Variants in ANKRD11 observed in about 807,000 individuals in gnomAD.
ANKRD11 encodes ankyrin repeat domain 11, also known as ankyrin repeat domain-containing protein 11.
A neutral mutation model predicts 195.7 loss-of-function variants in ANKRD11; 17 were observed. The observed-to-expected ratio is 0.09, with a 90% CI of 0.06 to 0.13. The LOEUF is 0.13. ANKRD11 is among the 10% of genes least tolerant of loss of function. ANKRD11 has a pLI of 1.00. For missense variants in ANKRD11, 3,735 were observed against 3,566.1 expected (o/e 1.05, Z -1.21); for synonymous variants, 1,953 against 1,528.1 (o/e 1.28, Z -6.49).
At chr16:89,389,422 A>G (rs2041072980) in intron 2 of ANKRD11, among the ~76,000 whole-genome samples, 1 of 152,152 alleles carries the variant, frequency 6.6e-6, no homozygotes, top group African/African-American at 2.4e-5. Context: ...ACATAGGAGA[A>G]AAAAAAGTCA....
At chr16:89,289,085 T>G (rs2034852937) in intron 6 of ANKRD11, 1 of 286,754 alleles carries the variant, frequency 3.5e-6, no homozygotes, top group South Asian at 3.3e-5. Flanking sequence ...TCCTGAAGGC[T>G]GAAGAGCTGC....
chr16:89,350,318 C>A (rs182688854), intron 2 of ANKRD11, among the ~76,000 whole-genome samples: 1 of 152,216 alleles, frequency 6.6e-6, no homozygotes, highest in East Asian at 1.9e-4. Context: ...ACCGAGAAAC[C>A]CAGACCCAGA....
rs1367779474 is a variant in ANKRD11, at chr16:89,318,141, C to A, written c.-59-1063G>T. On this transcript the variant is annotated intron_variant, in intron 2 of 12. Transcript: ENST00000301030. Reference sequence around the variant, plus strand: ...GGTGTGAGGCTGCCCCTCTGCGACACACGGTGCGAGCGCACTTCTTCCTTC... The same window carrying A: ...GGTGTGAGGCTGCCCCTCTGCGACAAACGGTGCGAGCGCACTTCTTCCTTC... 2.6e-5 allele frequency among the ~76,000 whole-genome samples: 4 copies of A among 152,240 alleles called. No homozygotes were observed. The South Asian group carries it at 8.3e-4, about 32-fold the overall frequency.
chr16:89,434,026 C>G (rs1393072500), intron 1 of ANKRD11, among the ~76,000 whole-genome samples: 2 of 152,182 alleles, frequency 1.3e-5, no homozygotes, highest in Non-Finnish European at 2.9e-5. Context: ...TGAGAAGATG[C>G]CCCTAGTGTG....
chr16:89,310,211 G>A (rs985119708), intron 3 of ANKRD11, among the ~76,000 whole-genome samples: 1 of 152,090 alleles, frequency 6.6e-6, no homozygotes, highest in Non-Finnish European at 1.5e-5. Flanking sequence ...TCTATGTGCG[G>A]GGTCCGCCTG....
chr16:89,468,524 T>C (rs2056959226), intron 1 of ANKRD11, among the ~76,000 whole-genome samples: 1 of 152,060 alleles, frequency 6.6e-6, no homozygotes, highest in Admixed American at 6.6e-5. Flanking sequence ...GGCCAACATG[T>C]CGAAATCCTG....
At chr16:89,313,253 TG>T in intron 3 of ANKRD11, 1 of 1,257,482 alleles carries the variant, frequency 8.0e-7, no homozygotes, top group Non-Finnish European at 1.0e-6. Flanking sequence ...GACTGTGCCA[TG>T]GGGTGGGGAC....
chr16:89,396,538 A>ATT (rs540555214), intron 2 of ANKRD11, among the ~76,000 whole-genome samples: 6 of 150,328 alleles, frequency 4.0e-5, no homozygotes, highest in African/African-American at 1.5e-4. Flanking sequence ...TTCCCACTAG[A>ATT]TTTTTTTTTT....
At chr16:89,310,454 C>T (rs181633750) in intron 3 of ANKRD11, among the ~76,000 whole-genome samples, 5 of 152,310 alleles carry the variant, frequency 3.3e-5, no homozygotes, top group South Asian at 2.1e-4. Context: ...ACTTTGGAAT[C>T]GTCTTATGAA....
chr16:89,292,110 G>T (rs1245499093), intron 4 of ANKRD11, among the ~76,000 whole-genome samples: 1 of 152,142 alleles, frequency 6.6e-6, no homozygotes, highest in African/African-American at 2.4e-5. Context: ...AGGTCATGGG[G>T]TGAAACTGCA....
chr16:89,282,963 C>G lies in ANKRD11; in HGVS notation c.3579G>C (p.Ala1193=). ...DRRKDRGAAD[A]GRDKKEKVFE... ...AGACTTTCTCTTTTTTGTCTCTCCCCGCGTCGGCAGCCCCTCGGTCCTTTC... is the reference window on the plus strand; with the variant it reads ...AGACTTTCTCTTTTTTGTCTCTCCCGGCGTCGGCAGCCCCTCGGTCCTTTC... The change falls in exon 9 of 13, where the codon GCG becomes GCC. Residue 1193 remains alanine, a synonymous_variant. Coordinates refer to ENST00000301030, the MANE Select transcript of ANKRD11 (RefSeq NM_013275.6). 1.2e-6 allele frequency: 2 copies of G among 1,613,496 alleles called. No homozygotes were observed. The highest frequency in any genetic ancestry group is 1.7e-6 in the Non-Finnish European group (2 of 1,180,002).
At chr16:89,421,862 G>A (rs1287492507) in intron 1 of ANKRD11, among the ~76,000 whole-genome samples, 1 of 152,192 alleles carries the variant, frequency 6.6e-6, no homozygotes, top group Non-Finnish European at 1.5e-5. Context: ...GCAGGGGTGG[G>A]GGTAACCAAA....
intron 2 of ANKRD11, among the ~76,000 whole-genome samples, chr16:89,325,497 A>T (rs1449470418): frequency 1.3e-5 from 2 of 151,180 alleles, no homozygotes. Flanking sequence ...ACACACACAG[A>T]GTAATAATGT....
At position 89,282,048 on chromosome 16, in the gene ANKRD11, G is replaced by C. The variant is rs200238084; in HGVS notation, c.4494C>G (p.Asp1498Glu). 2.5e-6 allele frequency: 4 copies of C among 1,611,914 alleles called. No homozygotes were observed. The highest frequency in any genetic ancestry group is 1.7e-5 in the Admixed American group (1 of 59,930). Residue 1498 changes from aspartate (D) to glutamate (E), a missense_variant, in exon 9 of 13, where the codon GAC becomes GAG. Coordinates refer to ENST00000301030, the MANE Select transcript of ANKRD11 (RefSeq NM_013275.6). ...HRDELLRHHR[D>E]EQKPATRDKD... ...TGTCCCTGGTGGCGGGCTTCTGCTC[G>C]TCCCTGTGATGCCGCAGGAGCTCGT...
chr16:89,313,453 C>T (rs2036734606), intron 3 of ANKRD11: 1 of 1,289,100 alleles, frequency 7.8e-7, no homozygotes, highest in Non-Finnish European at 1.0e-6. Flanking sequence ...ACGCCTGCCA[C>T]TGTGCTCACT....
chr16:89,274,790 G>C, intron 11 of ANKRD11, 24 bp downstream of exon 11: 1 of 1,606,804 alleles, frequency 6.2e-7, no homozygotes, highest in Non-Finnish European at 8.5e-7. Context: ...GGACTCATGG[G>C]CCTGGCATGC....
In ANKRD11 at chr16:89,464,658, A is replaced by T. The variant is rs189791751; in HGVS notation, c.-145+25587T>A. 3.9e-4 allele frequency among the ~76,000 whole-genome samples: 60 copies of T among 152,168 alleles called. 1 individual carries two copies. Among genetic ancestry groups the T allele is most frequent in the African/African-American group, 1.4e-3 (60 of 41,550 alleles). On this transcript the variant is annotated intron_variant, in intron 1 of 12. Coordinates refer to ENST00000301030, the MANE Select transcript of ANKRD11 (RefSeq NM_013275.6). ...AGAAAAAGAAAAAAAGAAAAGAATA[A>T]ATCTGTAACAGCACTGGAAAACAGA...
intron 2 of ANKRD11, among the ~76,000 whole-genome samples, chr16:89,366,308 A>G (rs2039949000): frequency 2.0e-5 from 3 of 152,064 alleles, no homozygotes; most frequent in Non-Finnish European, 4.4e-5. Flanking sequence ...ATGTGTCTTT[A>G]TGGTAGAATG....
rs969246158 is a variant in ANKRD11 at position 89,288,380 on chromosome 16, G to A, written c.744+148C>T. ...GGGGAAAGCTGGGGGCAGACAGAGGGCACAGCTCGGCCTTGAGGGTGGGCA... is the reference window on the plus strand; with the variant it reads ...GGGGAAAGCTGGGGGCAGACAGAGGACACAGCTCGGCCTTGAGGGTGGGCA... On this transcript the variant is annotated intron_variant, in intron 7 of 12. Transcript: ENST00000301030. 2.6e-5 allele frequency: 33 copies of A among 1,265,230 alleles called. No homozygotes were observed. In the Middle Eastern group the frequency reaches 1.6e-3, roughly 63 times the overall value. The allele number at this position is 1,265,230 out of a possible 1,614,324, so 78.4% of individuals were successfully genotyped here.
Sources: allele counts gnomAD v4.1 joint callset (sites outside exome capture counted in the v4.1 genomes callset), GRCh38; gene constraint gnomAD v4.1.1; transcripts MANE v1.5; gene names NCBI Gene and HGNC (gene_info 2026-07-23, HGNC 2026-07-21).